Variants in ZHX3 observed in about 807,000 individuals in gnomAD.
ZHX3 encodes zinc fingers and homeoboxes protein 3.
ZHX3 carries 20 observed loss-of-function variants against 64.5 expected under a neutral mutation model. The observed-to-expected ratio is 0.31, with a 90% confidence interval of 0.22 to 0.45. ZHX3 has a LOEUF of 0.45. ZHX3 is among the 20% of genes least tolerant of loss of function. ZHX3 has a pLI of 1.00. For missense variants in ZHX3, 1,041 were observed against 1,195.8 expected, an observed-to-expected ratio of 0.87 and a Z score of 1.91; for synonymous variants, 423 against 461.6, an observed-to-expected ratio of 0.92 and a Z score of 1.07.
intron 2 of ZHX3, among the ~76,000 whole-genome samples, chr20:41,265,201 AT>A (rs764092804): frequency 0.01 from 1,441 of 142,852 alleles, 8 homozygotes; most frequent in African/African-American, 0.019. Context: ...ATTACGATAA[AT>A]TTTTTTTTTT....
At chr20:41,303,539 C>T (rs1218718567) in intron 1 of ZHX3, among the ~76,000 whole-genome samples, 1 of 152,174 alleles carries the variant, frequency 6.6e-6, no homozygotes, top group African/African-American at 2.4e-5. Context: ...AAAATAGAAG[C>T]TTTTACAAGG....
chr20:41,264,809 C>A (rs1264627197), intron 2 of ZHX3, among the ~76,000 whole-genome samples: 1 of 151,940 alleles, frequency 6.6e-6, no homozygotes, highest in Non-Finnish European at 1.5e-5. Flanking sequence ...GTAAATAGAA[C>A]CTAGAAACAG....
At chr20:41,268,964 A>T (rs2042996054) in intron 2 of ZHX3, 26 bp downstream of exon 2, 1 of 152,236 alleles carries the variant, frequency 6.6e-6, no homozygotes, top group Non-Finnish European at 1.5e-5. Context: ...CATGCTATTT[A>T]CCCAAGAAAC....
chr20:41,259,461 G>C (rs961383967), intron 2 of ZHX3, among the ~76,000 whole-genome samples: 3 of 152,084 alleles, frequency 2.0e-5, no homozygotes, highest in African/African-American at 7.2e-5. Context: ...AAAAAATTGG[G>C]AATAATTTAA....
rs79212985 is a variant in ZHX3, at chr20:41,223,858, G to C, written c.-150-18792C>G. Among the ~76,000 whole-genome samples, 4 of 152,202 alleles carry C rather than the reference G, an allele frequency of 2.6e-5. No homozygotes were observed. In the East Asian group the frequency reaches 5.8e-4, roughly 22 times the overall value. On this transcript the variant is annotated intron_variant, in intron 2 of 3. Coordinates refer to ENST00000683867, the MANE Select transcript of ZHX3 (RefSeq NM_001384317.1). ...TGGCGTCAGAGTAGAGGTCCTTACA[G>C]AGTATGTAACTGGGTCAAATACCAA... is the stretch of plus-strand genomic sequence containing the variant.
intron 2 of ZHX3, among the ~76,000 whole-genome samples, chr20:41,255,381 G>T (rs1190183437): frequency 6.6e-6 from 1 of 152,134 alleles, no homozygotes; most frequent in Non-Finnish European, 1.5e-5. Flanking sequence ...TCGATCTCCT[G>T]ACCTCGTGAT....
rs137924174 is a variant in ZHX3, at chr20:41,264,800, T to G, written c.-151+4190A>C. ...TACGCTCAAAAATTTAAAAGAATAG[T>G]AAATAGAACCTAGAAACAGATTTTT... On this transcript the variant is annotated intron_variant, in intron 2 of 3. Coordinates refer to ENST00000683867, the MANE Select transcript of ZHX3 (RefSeq NM_001384317.1). Among the ~76,000 whole-genome samples the G allele has an allele frequency of 5.8e-3, 875 of 152,140 alleles. 5 individuals carry two copies. The highest frequency in any genetic ancestry group is 0.02 in the African/African-American group (837 of 41,514).
At chr20:41,309,313 C>T (rs774903078) in intron 1 of ZHX3, among the ~76,000 whole-genome samples, 3 of 152,158 alleles carry the variant, frequency 2.0e-5, no homozygotes, top group Non-Finnish European at 4.4e-5. Flanking sequence ...CTTCCAGATG[C>T]CATGTTCTTA....
Position 41,212,305 on chromosome 20 carries a change from G to C in ZHX3, c.-150-7239C>G, listed in dbSNP as rs1317517526. On this transcript the variant is annotated intron_variant, in intron 2 of 3. Coordinates refer to ENST00000683867, the MANE Select transcript of ZHX3 (RefSeq NM_001384317.1). This position sits in a 1 kb window ranked among gnomAD's most constrained non-coding sequence, Gnocchi z 4.3. ...ACTGCTCAACATCATTAGTTATTAG[G>C]AAAACACAAATCAAAACCACAATGA... Among the ~76,000 whole-genome samples the C allele has an allele frequency of 6.6e-6, 1 of 151,996 alleles. No individual in the cohort carries two copies. The highest frequency in any genetic ancestry group is 6.6e-5 in the Admixed American group (1 of 15,258).
chr20:41,297,974 G>C (rs1324543213), intron 1 of ZHX3, among the ~76,000 whole-genome samples: 1 of 152,188 alleles, frequency 6.6e-6, no homozygotes, highest in Non-Finnish European at 1.5e-5. Context: ...TTTCTATTGA[G>C]TCTAAAGATA....
chr20:41,190,834 T>C (rs1002493401), intron 3 of ZHX3, among the ~76,000 whole-genome samples: 4 of 152,222 alleles, frequency 2.6e-5, no homozygotes, highest in Admixed American at 6.5e-5. Flanking sequence ...CTTACTTTTT[T>C]TCCCCTTCAG....
At position 41,203,988 on chromosome 20, in the gene ZHX3, T is replaced by A; in HGVS notation, c.929A>T (p.Asn310Ile). 1.2e-6 allele frequency: 2 copies of A among 1,614,060 alleles called. No homozygotes were observed. Among genetic ancestry groups the A allele is most frequent in the Non-Finnish European group, 1.7e-6 (2 of 1,179,986 alleles). Residue 310 changes from asparagine (N) to isoleucine (I), a missense_variant, in exon 3 of 4, where the codon AAT becomes ATT. Around this residue, in one of 4 missense-constraint regions of ZHX3, gnomAD observed 358 missense variants for 369.1 expected, o/e 0.97. Coordinates refer to ENST00000683867, the MANE Select transcript of ZHX3 (RefSeq NM_001384317.1). This position sits in a 1 kb window ranked among gnomAD's most constrained non-coding sequence, Gnocchi z 7.1. ...GAAGCTGTTAGAGTCCATGGCTGCA[T>A]TGTACGTTGGAATGCTGCTCAGGGG... ...MIPLSSIPTY[N>I]AAMDSNSFLK...
intron 2 of ZHX3, among the ~76,000 whole-genome samples, chr20:41,250,195 C>T (rs1043654053): frequency 2.6e-5 from 4 of 152,110 alleles, no homozygotes; most frequent in Non-Finnish European, 5.9e-5. Context: ...TAGTGGGAGC[C>T]GTGGCAGCAC....
intron 2 of ZHX3, among the ~76,000 whole-genome samples, chr20:41,263,369 G>T (rs558219308): frequency 6.6e-6 from 1 of 150,416 alleles, no homozygotes; most frequent in East Asian, 2.0e-4. Context: ...TAATAATCTT[G>T]AGAAACAAAC....
intron 2 of ZHX3, among the ~76,000 whole-genome samples, chr20:41,265,694 T>G (rs2042809736): frequency 6.6e-6 from 1 of 152,188 alleles, no homozygotes; most frequent in Non-Finnish European, 1.5e-5. Context: ...ATAAAGCTTC[T>G]GAGGTGATTT....
chr20:41,255,729 A>C (rs964736577), intron 2 of ZHX3, among the ~76,000 whole-genome samples: 3 of 152,206 alleles, frequency 2.0e-5, no homozygotes, highest in Non-Finnish European at 4.4e-5. Context: ...GTGCCACTCT[A>C]GTTGTTTCAC....
At chr20:41,198,050 G>A (rs2037902262) in intron 3 of ZHX3, among the ~76,000 whole-genome samples, 1 of 144,584 alleles carries the variant, frequency 6.9e-6, no homozygotes, top group South Asian at 2.2e-4. Context: ...CCCCACCCAG[G>A]CTGGAGTACA....
rs2146217930 is a variant in ZHX3, at chr20:41,201,018, A to T, written c.2860+1039T>A. On this transcript the variant is annotated intron_variant, in intron 3 of 3. Transcript: ENST00000683867. The surrounding 1 kb of genome is among the most constrained non-coding windows in gnomAD (Gnocchi z 5.0). ...ACAAACAACAATGGTTGGCTATTGTATGGAAACAATGCAACACCATCCAGG... is the reference window on the plus strand; with the variant it reads ...ACAAACAACAATGGTTGGCTATTGTTTGGAAACAATGCAACACCATCCAGG... 6.6e-6 allele frequency among the ~76,000 whole-genome samples: 1 copy of T among 152,362 alleles called. No individual in the cohort carries two copies. Among genetic ancestry groups the T allele is most frequent in the Non-Finnish European group, 1.5e-5 (1 of 68,034 alleles).
chr20:41,294,940 A>G (rs1308025337), intron 1 of ZHX3, among the ~76,000 whole-genome samples: 1 of 152,106 alleles, frequency 6.6e-6, no homozygotes, highest in Admixed American at 6.5e-5. Context: ...CAAGTGATCC[A>G]TGCGCCTCGG....
Sources: allele counts gnomAD v4.1 joint callset (sites outside exome capture counted in the v4.1 genomes callset), GRCh38; gene constraint gnomAD v4.1.1; regional missense constraint gnomAD v4.1.1; non-coding constraint Gnocchi (gnomAD v3.1); transcripts MANE v1.5; gene names NCBI Gene and HGNC (gene_info 2026-07-23, HGNC 2026-07-21).